INPP4B: variants seen among roughly 807,000 people sequenced by gnomAD.
INPP4B encodes the protein inositol polyphosphate-4-phosphatase type II B, also known as inositol polyphosphate 4-phosphatase type II.
In INPP4B, 55 loss-of-function variants were observed where a neutral mutation model predicts 122.5. The observed-to-expected ratio is 0.45, with a 90% CI of 0.36 to 0.56. INPP4B has a LOEUF of 0.56. Among genes scored for constraint, INPP4B ranks in the 20% least tolerant of loss-of-function variants. The pLI is 0.00. For synonymous variants in INPP4B, 403 were observed against 388.7 expected, an observed-to-expected ratio of 1.04 and a Z score of -0.43; for missense variants, 1,000 against 1,097.7, an observed-to-expected ratio of 0.91 and a Z score of 1.26.
chr4:142,843,521 G>A (rs543606233), intron 1 of INPP4B, among the ~76,000 whole-genome samples: 2 of 151,902 alleles, frequency 1.3e-5, no homozygotes, highest in East Asian at 3.9e-4. Context: ...TTAAAACAGG[G>A]CATTTCTATC....
At chr4:142,457,646 A>G (rs1379680256) in intron 3 of INPP4B, among the ~76,000 whole-genome samples, 2 of 152,206 alleles carry the variant, frequency 1.3e-5, no homozygotes, top group African/African-American at 4.8e-5. Flanking sequence ...TGACAATACC[A>G]ATCTCTGGTA....
intron 2 of INPP4B, among the ~76,000 whole-genome samples, chr4:142,646,141 T>C (rs1247205401): frequency 1.3e-5 from 2 of 152,224 alleles, no homozygotes; most frequent in Non-Finnish European, 2.9e-5. Flanking sequence ...TATGAGTATA[T>C]ACATTTATCA....
intron 2 of INPP4B, among the ~76,000 whole-genome samples, chr4:142,581,858 G>C (rs1413277699): frequency 6.6e-6 from 1 of 151,910 alleles, no homozygotes; most frequent in Non-Finnish European, 1.5e-5. Flanking sequence ...GCAGGGAATG[G>C]GGCTGTAGAT....
At chr4:142,219,549 T>A (rs796442076) in intron 12 of INPP4B, among the ~76,000 whole-genome samples, 3 of 152,332 alleles carry the variant, frequency 2.0e-5, no homozygotes, top group African/African-American at 7.2e-5. Flanking sequence ...TGCAAAGGTT[T>A]CTCACAAATC....
chr4:142,114,015 T>C (rs1212992499), intron 21 of INPP4B, among the ~76,000 whole-genome samples: 1 of 152,062 alleles, frequency 6.6e-6, no homozygotes, highest in Non-Finnish European at 1.5e-5. Flanking sequence ...CTGTTTCCTA[T>C]GAATGAATTT....
At chr4:142,067,379 G>C (rs1764138496) in intron 25 of INPP4B, among the ~76,000 whole-genome samples, 1 of 152,178 alleles carries the variant, frequency 6.6e-6, no homozygotes, top group Admixed American at 6.5e-5. Flanking sequence ...GGATAAACCA[G>C]AGCAGAAAAG....
At chr4:142,285,184 T>G (rs1438878757) in intron 9 of INPP4B, among the ~76,000 whole-genome samples, 1 of 151,826 alleles carries the variant, frequency 6.6e-6, no homozygotes, top group African/African-American at 2.4e-5. Flanking sequence ...TGATGAGATC[T>G]CGGAGATGAC....
intron 15 of INPP4B, among the ~76,000 whole-genome samples, chr4:142,184,838 A>G (rs867891081): frequency 3.3e-5 from 5 of 152,142 alleles, no homozygotes; most frequent in African/African-American, 4.8e-5. Flanking sequence ...TGATGGTGTC[A>G]TGGTGCAAGA....
chr4:142,115,695 C>T (rs1420047349), intron 21 of INPP4B, among the ~76,000 whole-genome samples: 1 of 152,074 alleles, frequency 6.6e-6, no homozygotes, highest in Non-Finnish European at 1.5e-5. Context: ...TGGTAGCAGC[C>T]CCTGCAAAAA....
intron 3 of INPP4B, among the ~76,000 whole-genome samples, chr4:142,446,378 A>G (rs1050327948): frequency 6.6e-6 from 1 of 152,108 alleles, no homozygotes; most frequent in Non-Finnish European, 1.5e-5. Context: ...ATCAATAAGT[A>G]AATATTTTAG....
At chr4:142,725,469 T>A (rs1210513422) in intron 2 of INPP4B, among the ~76,000 whole-genome samples, 1 of 152,152 alleles carries the variant, frequency 6.6e-6, no homozygotes, top group Non-Finnish European at 1.5e-5. Context: ...AATCTTATCA[T>A]TGTACCCTAA....
chr4:142,172,243 G>A (rs1825988288), intron 16 of INPP4B, among the ~76,000 whole-genome samples: 1 of 151,968 alleles, frequency 6.6e-6, no homozygotes, highest in Admixed American at 6.6e-5. Flanking sequence ...GAGTCATCCA[G>A]ATCTGGGTTT....
intron 22 of INPP4B, among the ~76,000 whole-genome samples, chr4:142,108,571 C>T (rs1251649357): frequency 2.0e-5 from 3 of 152,094 alleles, no homozygotes; most frequent in African/African-American, 7.2e-5. Context: ...TCCAACCATC[C>T]ATTTCACTCG....
chr4:142,616,732 T>C (rs1007157613), intron 2 of INPP4B, among the ~76,000 whole-genome samples: 7 of 152,150 alleles, frequency 4.6e-5, no homozygotes, highest in Non-Finnish European at 8.8e-5. Flanking sequence ...ATGCTATATA[T>C]ACACCATGGG....
At chr4:142,233,237 C>A (rs1200609777) in intron 12 of INPP4B, among the ~76,000 whole-genome samples, 1 of 151,758 alleles carries the variant, frequency 6.6e-6, no homozygotes, top group East Asian at 1.9e-4. Flanking sequence ...TATGTGTATT[C>A]CCACAGGTCC....
At chr4:142,594,885 G>A (rs1738332262) in intron 2 of INPP4B, among the ~76,000 whole-genome samples, 1 of 149,926 alleles carries the variant, frequency 6.7e-6, no homozygotes, top group African/African-American at 2.5e-5. Flanking sequence ...AATCCAGGAG[G>A]AGGAGGTTGC....
chr4:142,192,406 T>C (rs1836379783), intron 15 of INPP4B, among the ~76,000 whole-genome samples: 1 of 149,058 alleles, frequency 6.7e-6, no homozygotes, highest in Non-Finnish European at 1.5e-5. Flanking sequence ...TTATTCTTCA[T>C]ACCTGGATAA....
intron 1 of INPP4B, among the ~76,000 whole-genome samples, chr4:142,726,202 G>C: frequency 6.6e-6 from 1 of 152,198 alleles, no homozygotes; most frequent in African/African-American, 2.4e-5. Context: ...GCAAGAAAAG[G>C]CATTAGCTTC....
chr4:142,367,732 G>A (rs1242747875), intron 7 of INPP4B, among the ~76,000 whole-genome samples: 1 of 152,112 alleles, frequency 6.6e-6, no homozygotes, highest in Non-Finnish European at 1.5e-5. Flanking sequence ...CTCAAAGTTT[G>A]AGAATTGTGC....
Sources: gnomAD v4.1 joint callset for allele counts (sites outside exome capture counted in the v4.1 genomes callset) on GRCh38, gnomAD v4.1.1 for gene constraint, MANE v1.5 for transcripts, NCBI Gene and HGNC (gene_info 2026-07-23, HGNC 2026-07-21) for gene names.